The following VWC2L variants were observed in gnomAD, a reference collection of about 807,000 sequenced individuals.
VWC2L encodes the protein von Willebrand factor C domain containing 2 like, also known as von Willebrand factor C domain-containing protein 2-like.
Under a neutral mutation model 21.6 loss-of-function variants are expected in VWC2L, and 10 were observed. That is an observed-to-expected ratio of 0.46 (90% CI 0.29 to 0.78). VWC2L has a LOEUF of 0.78. Ranked by LOEUF, VWC2L falls within the 30% of genes least tolerant of loss-of-function variation. The pLI is 0.10. For synonymous variants in VWC2L, 96 were observed against 94.3 expected, an observed-to-expected ratio of 1.02 and a Z score of -0.10; for missense variants, 209 against 277.1, an observed-to-expected ratio of 0.75 and a Z score of 1.74.
At chr2:214,417,431 A>G (rs530842200) in intron 2 of VWC2L, among the ~76,000 whole-genome samples, 1 of 152,330 alleles carries the variant, frequency 6.6e-6, no homozygotes, top group South Asian at 2.1e-4. Context: ...AAGCTTATCA[A>G]AATAGTATGA....
intron 3 of VWC2L, among the ~76,000 whole-genome samples, chr2:214,527,389 TA>T (rs1193991097): frequency 6.6e-6 from 1 of 152,008 alleles, no homozygotes; most frequent in Non-Finnish European, 1.5e-5. Flanking sequence ...CCCCCAAATC[TA>T]AAAAGTTGAA....
At chr2:214,463,015 T>G (rs1464282001) in intron 3 of VWC2L, among the ~76,000 whole-genome samples, 2 of 152,200 alleles carry the variant, frequency 1.3e-5, no homozygotes, top group African/African-American at 2.4e-5. Flanking sequence ...TTTACATGTA[T>G]TGAAACATGT....
chr2:214,452,046 G>A (rs1702963114), intron 3 of VWC2L, among the ~76,000 whole-genome samples: 1 of 152,064 alleles, frequency 6.6e-6, no homozygotes, highest in African/African-American at 2.4e-5. Flanking sequence ...TCCCATTCCA[G>A]GCAATCTCTG....
chr2:214,574,095 T>C (rs1690192579), intron 3 of VWC2L, among the ~76,000 whole-genome samples: 2 of 152,144 alleles, frequency 1.3e-5, no homozygotes, highest in Admixed American at 1.3e-4. Flanking sequence ...TGAGCCAAGA[T>C]TGCGCCACTG....
chr2:214,464,099 G>A (rs1180671810), intron 3 of VWC2L, among the ~76,000 whole-genome samples: 1 of 152,046 alleles, frequency 6.6e-6, no homozygotes, highest in Non-Finnish European at 1.5e-5. Flanking sequence ...CAGCTCTTTT[G>A]ATTTCTCTGT....
intron 3 of VWC2L, among the ~76,000 whole-genome samples, chr2:214,492,104 A>C (rs1688752139): frequency 6.6e-6 from 1 of 152,250 alleles, no homozygotes; most frequent in Non-Finnish European, 1.5e-5. Context: ...AAGCATAATG[A>C]CAGCTGATCT....
intron 3 of VWC2L, among the ~76,000 whole-genome samples, chr2:214,460,423 T>C (rs1261254010): frequency 6.6e-6 from 1 of 152,194 alleles, no homozygotes; most frequent in South Asian, 2.1e-4. Flanking sequence ...TATAGTACTC[T>C]ATATGTAATG....
chr2:214,573,680 C>T (rs1690186261), intron 3 of VWC2L, among the ~76,000 whole-genome samples: 2 of 152,228 alleles, frequency 1.3e-5, no homozygotes, highest in Admixed American at 6.5e-5. Flanking sequence ...TCCCTCAGTT[C>T]TGAGTCCAGA....
chr2:214,418,532 T>A (rs1702388930), intron 2 of VWC2L, among the ~76,000 whole-genome samples: 1 of 152,186 alleles, frequency 6.6e-6, no homozygotes, highest in African/African-American at 2.4e-5. Flanking sequence ...TATGAAATAA[T>A]ATCATATGAA....
At chr2:214,509,670 C>CT (rs1341370213) in intron 3 of VWC2L, among the ~76,000 whole-genome samples, 1 of 152,120 alleles carries the variant, frequency 6.6e-6, no homozygotes, top group Non-Finnish European at 1.5e-5. Flanking sequence ...AAGTGAATTG[C>CT]TTTTGGGTCC....
At chr2:214,503,429 G>A (rs984517825) in intron 3 of VWC2L, among the ~76,000 whole-genome samples, 1 of 151,948 alleles carries the variant, frequency 6.6e-6, no homozygotes, top group Non-Finnish European at 1.5e-5. Context: ...TTGATACCAA[G>A]GCCATAGTAA....
chr2:214,508,178 G>A (rs1030456313), intron 3 of VWC2L, among the ~76,000 whole-genome samples: 1 of 152,016 alleles, frequency 6.6e-6, no homozygotes, highest in Non-Finnish European at 1.5e-5. Context: ...GGGTTTTACC[G>A]TGTTAGCCAG....
At chr2:214,437,006 T>A (rs1250855419) in intron 3 of VWC2L, among the ~76,000 whole-genome samples, 1 of 152,164 alleles carries the variant, frequency 6.6e-6, no homozygotes, top group African/African-American at 2.4e-5. Context: ...TATTATTTCG[T>A]GTTGATTTAA....
chr2:214,422,392 CCTT>C (rs1415489760), intron 2 of VWC2L, among the ~76,000 whole-genome samples: 1 of 151,626 alleles, frequency 6.6e-6, no homozygotes, highest in Non-Finnish European at 1.5e-5. Context: ...TCTTTTTGTT[CCTT>C]CTTCTTAATC....
chr2:214,449,412 CAAAG>C (rs1259482670), intron 3 of VWC2L, among the ~76,000 whole-genome samples: 6 of 151,988 alleles, frequency 3.9e-5, no homozygotes, highest in African/African-American at 4.8e-5. Flanking sequence ...AGACAAGAAA[CAAAG>C]AAAATGTGCC....
chr2:214,436,177 C>T, intron 2 of VWC2L: 1 of 159,990 alleles, frequency 6.3e-6, no homozygotes. Context: ...ACAAAGGGTA[C>T]AGATGTCCAC....
chr2:214,505,016 G>C (rs1229025116), intron 3 of VWC2L, among the ~76,000 whole-genome samples: 1 of 152,158 alleles, frequency 6.6e-6, no homozygotes, highest in African/African-American at 2.4e-5. Flanking sequence ...AAGATGTCTT[G>C]ATAGACAGGA....
At chr2:214,493,874 GTCTA>G (rs1347161788) in intron 3 of VWC2L, among the ~76,000 whole-genome samples, 2 of 152,130 alleles carry the variant, frequency 1.3e-5, no homozygotes, top group African/African-American at 2.4e-5. Context: ...AGCAAGTGAA[GTCTA>G]TCTAAGACCC....
intron 3 of VWC2L, among the ~76,000 whole-genome samples, chr2:214,546,341 T>C (rs1689706037): frequency 6.6e-6 from 1 of 152,160 alleles, no homozygotes; most frequent in African/African-American, 2.4e-5. Flanking sequence ...TCCAGCCAAA[T>C]GCTCCCTAGA....
Sources: allele counts gnomAD v4.1 joint callset (sites outside exome capture counted in the v4.1 genomes callset), GRCh38; gene constraint gnomAD v4.1.1; transcripts MANE v1.5; gene names NCBI Gene and HGNC (gene_info 2026-07-23, HGNC 2026-07-21).